Variants in CBFB observed in about 807,000 individuals in gnomAD.
CBFB encodes the protein core-binding factor subunit beta.
CBFB carries 9 observed loss-of-function variants against 30.4 expected under a neutral mutation model. The ratio of observed to expected loss-of-function variants is 0.30; its 90% CI spans 0.18 to 0.52. The LOEUF (loss-of-function observed/expected upper bound fraction) is 0.52. Among genes scored for constraint, CBFB ranks in the 20% least tolerant of loss-of-function variants. CBFB has a pLI of 0.97. For synonymous variants in CBFB, 94 were observed against 84.0 expected (o/e 1.12, Z -0.65); for missense variants, 170 against 244.0 (o/e 0.70, Z 2.02).
intron 2 of CBFB, chr16:67,030,111 A>AG: frequency 5.9e-6 from 2 of 340,418 alleles, no homozygotes; most frequent in African/African-American, 2.2e-5. Context: ...GCGACACCGA[A>AG]GAAGGGTTCA....
At chr16:67,054,497 C>A (rs904636572) in intron 3 of CBFB, among the ~76,000 whole-genome samples, 1 of 152,136 alleles carries the variant, frequency 6.6e-6, no homozygotes, top group African/African-American at 2.4e-5. Flanking sequence ...TACTTGCCAG[C>A]CCTTTACAGT....
chr16:67,055,312 G>GCA (rs199844277), intron 3 of CBFB, among the ~76,000 whole-genome samples: 6 of 146,940 alleles, frequency 4.1e-5, no homozygotes, highest in East Asian at 2.0e-4. Context: ...ATGTGTATAC[G>GCA]CACACACACA....
At chr16:67,076,177 C>T (rs1961390761) in intron 4 of CBFB, among the ~76,000 whole-genome samples, 1 of 151,652 alleles carries the variant, frequency 6.6e-6, no homozygotes, top group African/African-American at 2.4e-5. Flanking sequence ...TTGCAGTGAG[C>T]TGAGATCGCG....
chr16:67,085,399 A>G (rs887500724), intron 5 of CBFB, among the ~76,000 whole-genome samples: 11 of 150,524 alleles, frequency 7.3e-5, no homozygotes, highest in Non-Finnish European at 1.6e-4. Context: ...CAAACACCTG[A>G]CCTCGGGTGA....
chr16:67,053,985 T>TTA (rs1829626561), intron 3 of CBFB, among the ~76,000 whole-genome samples: 2 of 151,956 alleles, frequency 1.3e-5, no homozygotes, highest in South Asian at 4.1e-4. Flanking sequence ...TGGGGAAGGC[T>TTA]TATATATGAG....
At chr16:67,057,025 C>T (rs1244554988) in intron 3 of CBFB, among the ~76,000 whole-genome samples, 1 of 150,654 alleles carries the variant, frequency 6.6e-6, no homozygotes, top group Non-Finnish European at 1.5e-5. Context: ...CTCTTTCGCC[C>T]AGGCTGGGGT....
rs71145959 is a variant in CBFB at position 67,095,210 on chromosome 16, C to CAAA, written c.496-3476_496-3474dup. 8.9e-3 allele frequency among the ~76,000 whole-genome samples: 241 copies of CAAA among 27,092 alleles called. 23 individuals are homozygous for CAAA. The highest frequency in any genetic ancestry group is 0.025 in the African/African-American group (209 of 8,374). The allele number at this position is 27,092 out of a possible 152,430, so 17.8% of individuals were successfully genotyped here. On this transcript the variant is annotated intron_variant, in intron 5 of 5. Transcript: ENST00000412916. ...AGGCAACAAGAGCAAAAGTGTGTCTCAAAAAAAAAAAAAAAAAAAAAAAAA... is the reference window on the plus strand; with the variant it reads ...AGGCAACAAGAGCAAAAGTGTGTCTCAAAAAAAAAAAAAAAAAAAAAAAAAAAA...
Position 67,100,491 on chromosome 16 carries a change from G to C in CBFB, c.*1713G>C, listed in dbSNP as rs187816957. 2 of 228,106 alleles carry C rather than the reference G, an allele frequency of 8.8e-6. No homozygotes were observed. The highest frequency in any genetic ancestry group is 1.7e-5 in the Non-Finnish European group (2 of 114,700). The allele number at this position is 228,106 out of a possible 1,614,324, so 14.1% of individuals were successfully genotyped here. On this transcript the variant is annotated 3_prime_UTR_variant, in exon 6 of 6. Coordinates refer to ENST00000412916, the MANE Select transcript of CBFB (RefSeq NM_022845.3). ...AACTATAAGTACTATGAATGAATTTGGTTGGTTTTGGTGTTGTACAGCTCA... is the reference window on the plus strand; with the variant it reads ...AACTATAAGTACTATGAATGAATTTCGTTGGTTTTGGTGTTGTACAGCTCA...
chr16:67,045,862 C>T (rs557247078), intron 3 of CBFB, among the ~76,000 whole-genome samples: 51 of 146,924 alleles, frequency 3.5e-4, no homozygotes, highest in Admixed American at 6.9e-4. Context: ...GTGATGTAAT[C>T]TTGGCTCACT....
At chr16:67,096,897 G>C (rs577870845) in intron 5 of CBFB, among the ~76,000 whole-genome samples, 1 of 147,404 alleles carries the variant, frequency 6.8e-6, no homozygotes, top group African/African-American at 2.5e-5. Flanking sequence ...AGCCAAGATC[G>C]CGCCACTGCA....
At position 67,036,653 on chromosome 16, in the gene CBFB, A is replaced by C. The variant is rs1404502332; in HGVS notation, c.180A>C (p.Thr60=). ...DGRSEIAFVA[T]GTNLSLQFFP... is the part of the protein sequence containing the mutation. ...TTTTCTAAAAGGCTTTTGTGGCCAC[A>C]GGAACCAATCTGTCTCTCCAGTTTT... The change falls in exon 3 of 6, where the codon ACA becomes ACC. Residue 60 remains threonine, a synonymous_variant. Coordinates refer to ENST00000412916, the MANE Select transcript of CBFB (RefSeq NM_022845.3). The C allele has an allele frequency of 1.9e-6, 3 of 1,611,952 alleles. No homozygotes were observed. Among genetic ancestry groups the C allele is most frequent in the African/African-American group, 2.7e-5 (2 of 74,890 alleles).
intron 5 of CBFB, among the ~76,000 whole-genome samples, chr16:67,086,262 C>T (rs1486665979): frequency 1.3e-5 from 2 of 152,118 alleles, no homozygotes; most frequent in African/African-American, 4.8e-5. Flanking sequence ...AACCTTTTTG[C>T]TCATGCTCTT....
At chr16:67,038,359 T>C in intron 3 of CBFB, among the ~76,000 whole-genome samples, 1 of 151,858 alleles carries the variant, frequency 6.6e-6, no homozygotes, top group Middle Eastern at 3.4e-3. Flanking sequence ...TGTGTGTGTA[T>C]ATACGTATAT....
chr16:67,029,606 C>G (rs748837467), intron 1 of CBFB, 121 bp downstream of exon 1: 2 of 1,313,252 alleles, frequency 1.5e-6, no homozygotes, highest in Non-Finnish European at 2.1e-6. Flanking sequence ...GAGGGGCAAT[C>G]TCGCCGGGGC....
At chr16:67,052,017 G>C (rs556197226) in intron 3 of CBFB, among the ~76,000 whole-genome samples, 1 of 151,756 alleles carries the variant, frequency 6.6e-6, no homozygotes, top group South Asian at 2.1e-4. Flanking sequence ...ACCCAAGCTG[G>C]AGTGCCGTGA....
intron 5 of CBFB, among the ~76,000 whole-genome samples, chr16:67,094,705 A>G (rs1567626582): frequency 6.6e-6 from 1 of 152,168 alleles, no homozygotes; most frequent in East Asian, 1.9e-4. Flanking sequence ...TTATATCACC[A>G]TCTCTGATTT....
chr16:67,093,930 A>C (rs1434420386), intron 5 of CBFB, among the ~76,000 whole-genome samples: 1 of 152,152 alleles, frequency 6.6e-6, no homozygotes, highest in African/African-American at 2.4e-5. Flanking sequence ...CTGCTTCTTA[A>C]AGCAGCTGCT....
At chr16:67,036,796 T>G in intron 3 of CBFB, 41 bp downstream of exon 3, 1 of 1,108,560 alleles carries the variant, frequency 9.0e-7, no homozygotes, top group Non-Finnish European at 1.4e-6. Flanking sequence ...CTGTGGGTTG[T>G]TTTGTTAGAG....
chr16:67,040,280 C>T (rs1966507925), intron 3 of CBFB, among the ~76,000 whole-genome samples: 1 of 152,194 alleles, frequency 6.6e-6, no homozygotes, highest in South Asian at 2.1e-4. Context: ...TATTGGATTC[C>T]AAATCAGTGT....
Sources: gnomAD v4.1 joint callset for allele counts (sites outside exome capture counted in the v4.1 genomes callset) on GRCh38, gnomAD v4.1.1 for gene constraint, MANE v1.5 for transcripts, NCBI Gene and HGNC (gene_info 2026-07-23, HGNC 2026-07-21) for gene names.